The following LRRC75B variants were observed in gnomAD, a reference collection of about 807,000 sequenced individuals.
LRRC75B encodes leucine rich repeat containing 75B, also known as leucine-rich repeat-containing protein 75B.
LRRC75B carries 20 observed loss-of-function variants against 16.5 expected under a neutral mutation model. That is an observed-to-expected ratio of 1.21 (90% confidence interval 0.85 to 1.76). LRRC75B has a LOEUF of 1.76. Among genes scored for constraint, LRRC75B ranks in the 40% most tolerant of loss-of-function variants. The pLI, the probability that LRRC75B is intolerant of heterozygous loss-of-function variation, is 0.00. For synonymous variants in LRRC75B, 199 were observed against 198.1 expected, an observed-to-expected ratio of 1.00 and a Z score of -0.04; for missense variants, 406 against 417.0, an observed-to-expected ratio of 0.97 and a Z score of 0.23.
chr22:24,585,863 C>A lies in LRRC75B; in HGVS notation c.*23G>T. 6.5e-7 allele frequency: 1 copy of A among 1,547,572 alleles called. No individual in the cohort carries two copies. The highest frequency in any genetic ancestry group is 2.4e-5 in the East Asian group (1 of 42,164). On this transcript the variant is annotated 3_prime_UTR_variant, in exon 4 of 4. Transcript: ENST00000318753. ...GCTTGAGAGCATCACAAGTCAGTAG[C>A]AATGAGCCAGGTGGGTGGTGGGTCA...
intron 1 of LRRC75B, among the ~76,000 whole-genome samples, chr22:24,591,856 A>G (rs2045576810): frequency 6.6e-6 from 1 of 152,194 alleles, no homozygotes; most frequent in South Asian, 2.1e-4. Context: ...CCTGCCTTCC[A>G]TGGGTCTAGA....
intron 3 of LRRC75B, among the ~76,000 whole-genome samples, chr22:24,587,116 A>G (rs374822467): frequency 6.6e-6 from 1 of 152,054 alleles, no homozygotes; most frequent in African/African-American, 2.4e-5. Context: ...TTGAGCCCAC[A>G]TGTTTTTTTC....
At chr22:24,589,649 G>T (rs1237068599) in intron 2 of LRRC75B, 172 bp downstream of exon 2, 1 of 753,240 alleles carries the variant, frequency 1.3e-6, no homozygotes, top group South Asian at 2.1e-5. Context: ...CTAGCTGGTG[G>T]CCAGCCTAAT....
intron 2 of LRRC75B, chr22:24,588,545 T>C: frequency 2.6e-6 from 2 of 769,328 alleles, no homozygotes; most frequent in Non-Finnish European, 4.0e-6. Flanking sequence ...CTGGACAGGC[T>C]GGTCCAGTCC....
chr22:24,586,455 G>T (rs1196383931), intron 3 of LRRC75B, 44 bp from the exon 4 acceptor site: 1 of 1,569,760 alleles, frequency 6.4e-7, no homozygotes, highest in Non-Finnish European at 8.7e-7. Context: ...CAACCAGGCA[G>T]TCCCCCCACT....
chr22:24,588,137 G>T, intron 3 of LRRC75B, 77 bp downstream of exon 3: 4 of 1,132,738 alleles, frequency 3.5e-6, no homozygotes, highest in South Asian at 1.3e-5. Context: ...CCAGCCTCTT[G>T]GTGAGAGTGC....
chr22:24,592,643 C>T, intron 1 of LRRC75B: 1 of 734,974 alleles, frequency 1.4e-6, no homozygotes, highest in Non-Finnish European at 2.0e-6. Flanking sequence ...GCCGACCTCA[C>T]CCAGCCCTCA....
Position 24,586,358 on chromosome 22 carries a change from G to A in LRRC75B, c.476C>T (p.Ser159Leu). 6.2e-7 allele frequency: 1 copy of A among 1,613,886 alleles called. No homozygotes were observed. ...GTCCTGTGTCGACAGCGGGATGCCTGAGAGGTCCACAGTCTCCCCTGCCAG... is the reference window on the plus strand; with the variant it reads ...GTCCTGTGTCGACAGCGGGATGCCTAAGAGGTCCACAGTCTCCCCTGCCAG... ...TLLAGETVDL[S>L]GIPLSTQDVQ... Residue 159 changes from serine (S) to leucine (L), a missense_variant, in exon 4 of 4, where the codon TCA becomes TTA. Coordinates refer to ENST00000318753, the MANE Select transcript of LRRC75B (RefSeq NM_207644.3).
In LRRC75B at chr22:24,592,932, G is replaced by A; in HGVS notation, c.108C>T (p.Arg36=). 8.1e-7 allele frequency: 1 copy of A among 1,242,032 alleles called. No individual in the cohort carries two copies. Among genetic ancestry groups the A allele is most frequent in the South Asian group, 2.9e-5 (1 of 34,206 alleles). 76.9% of individuals were successfully genotyped at this position (1,242,032 alleles called of 1,614,324 possible). ...APYERRVRWL[R]EIQSTLRERR... is the part of the protein sequence containing the mutation. ...GCTCGCGGAGCGTGGACTGGATCTC[G>A]CGGAGCCACCGCACCCGGCGCTCGT... Residue 36 remains arginine, a synonymous_variant, in exon 1 of 4, where the codon CGC becomes CGT. Coordinates refer to ENST00000318753, the MANE Select transcript of LRRC75B (RefSeq NM_207644.3).
chr22:24,586,475 C>CAGTG, intron 3 of LRRC75B, 64 bp from the exon 4 acceptor site: 3 of 1,528,880 alleles, frequency 2.0e-6, no homozygotes, highest in Non-Finnish European at 2.7e-6. Flanking sequence ...TGACCACAGA[C>CAGTG]AGTGACCTGT....
At chr22:24,588,440 CA>C in intron 2 of LRRC75B, 111 bp from the exon 3 acceptor site, 1 of 856,018 alleles carries the variant, frequency 1.2e-6, no homozygotes, top group Non-Finnish European at 1.9e-6. Context: ...AGTCATGCAC[CA>C]TGCATCACCG....
Position 24,589,969 on chromosome 22 carries a change from A to G in LRRC75B, c.178-20T>C. 6.4e-7 allele frequency: 1 copy of G among 1,564,714 alleles called. No individual in the cohort carries two copies. The highest frequency in any genetic ancestry group is 8.7e-7 in the Non-Finnish European group (1 of 1,155,392). The stretch of plus-strand genomic sequence containing the variant: ...CAGGTCCTGTGAGTGGTGAAGAGAG[A>G]GTTGAGTGAGCCCGTTGGGTCTCCC... On this transcript the variant is annotated intron_variant, in intron 1 of 3. Coordinates refer to ENST00000318753, the MANE Select transcript of LRRC75B (RefSeq NM_207644.3).
rs1569034482 is a variant in LRRC75B at position 24,586,209 on chromosome 22, G to GGGGCAGCGCCCACAGGCT, written c.607_624dup (p.Ser203_Pro208dup). 1 of 1,613,700 alleles carries GGGGCAGCGCCCACAGGCT rather than the reference G, an allele frequency of 6.2e-7. No individual in the cohort carries two copies. The highest frequency in any genetic ancestry group is 2.2e-5 in the East Asian group (1 of 44,892). ...CCGTTGAGCAGGAGCTGGGTGAGGC[G>GGGGCAGCGCCCACAGGCT]GGGCAGCGCCCACAGGCTGGGCAGC... On this transcript the variant is annotated inframe_insertion, in exon 4 of 4. Transcript: ENST00000318753.
At chr22:24,589,087 T>G in intron 2 of LRRC75B, 2 of 1,091,264 alleles carry the variant, frequency 1.8e-6, no homozygotes. Context: ...GGGCCGACTG[T>G]GCAGAGACCT....
At chr22:24,589,297 C>T in intron 2 of LRRC75B, 2 of 1,219,910 alleles carry the variant, frequency 1.6e-6, no homozygotes, top group Non-Finnish European at 2.1e-6. Flanking sequence ...TGGCAAACTC[C>T]ACCCCAGCAA....
At chr22:24,588,354 G>A (rs111303493) in intron 2 of LRRC75B, 25 bp from the exon 3 acceptor site, 1 of 1,572,042 alleles carries the variant, frequency 6.4e-7, no homozygotes, top group Non-Finnish European at 8.7e-7. Flanking sequence ...TGTCACCATG[G>A]TGAATCTGAG....
intron 2 of LRRC75B, chr22:24,589,405 C>G (rs12170280): frequency 9.5e-7 from 1 of 1,057,796 alleles, no homozygotes; most frequent in Non-Finnish European, 1.2e-6. Context: ...TGCGGACAGA[C>G]GGGGGCTCTA....
At position 24,586,002 on chromosome 22, in the gene LRRC75B, C is replaced by G. The variant is rs371494351; in HGVS notation, c.832G>C (p.Glu278Gln). The part of the protein sequence containing the change: ...SQRTSLPTIY[E>Q]GLDLEPEGSA... ...CCCTCAGGCTCAAGGTCCAGGCCCT[C>G]GTAGATGGTGGGGAGTGAGGTGCGC... The change falls in exon 4 of 4, where the codon GAG becomes CAG. Residue 278 changes from glutamate (E) to glutamine (Q), a missense_variant. By Grantham distance (29) the Glu-to-Gln change is conservative (BLOSUM62 2). Transcript: ENST00000318753. 1.2e-5 allele frequency: 19 copies of G among 1,610,726 alleles called. No individual in the cohort carries two copies. The highest frequency in any genetic ancestry group is 1.6e-4 in the Middle Eastern group (1 of 6,078).
At chr22:24,591,173 G>A (rs937093462) in intron 1 of LRRC75B, among the ~76,000 whole-genome samples, 6 of 152,354 alleles carry the variant, frequency 3.9e-5, no homozygotes, top group Non-Finnish European at 8.8e-5. Context: ...TCCGCCTCCC[G>A]GGTTCAAGCA....
Sources: gnomAD v4.1 joint callset for allele counts (sites outside exome capture counted in the v4.1 genomes callset) on GRCh38, gnomAD v4.1.1 for gene constraint, MANE v1.5 for transcripts, NCBI Gene and HGNC (gene_info 2026-07-23, HGNC 2026-07-21) for gene names.